ATM: variants seen among roughly 807,000 people sequenced by gnomAD.
ATM encodes the protein ATM serine/threonine kinase.
In ATM, 308 loss-of-function variants were observed where a neutral mutation model predicts 387.0. The ratio of observed to expected loss-of-function variants is 0.80; its 90% CI spans 0.73 to 0.87. The LOEUF is 0.87. Ranked by LOEUF, ATM falls within the 40% of genes least tolerant of loss-of-function variation. The pLI, the probability that ATM is intolerant of heterozygous loss-of-function variation, is 0.00. For missense variants in ATM, 3,312 were observed against 3,560.9 expected (o/e 0.93, Z 1.78); for synonymous variants, 1,156 against 1,187.3 (o/e 0.97, Z 0.54).
chr11:108,333,898 T>C lies in ATM; in HGVS notation c.7940T>C (p.Ile2647Thr). 6.2e-7 allele frequency: 1 copy of C among 1,608,350 alleles called. No homozygotes were observed. Among genetic ancestry groups the C allele is most frequent in the East Asian group, 2.2e-5 (1 of 44,834 alleles). The change falls in exon 54 of 63, where the codon ATT (isoleucine) becomes ACT (threonine). Residue 2647 changes from isoleucine (I) to threonine (T), a missense_variant. Around this residue, in one of 4 missense-constraint regions of ATM, gnomAD observed 1,405 missense variants for 1,604.4 expected, o/e 0.88. Coordinates refer to ENST00000675843, the MANE Select transcript of ATM (RefSeq NM_000051.4). ...QWKTQRKGIN[I>T]PADQPITKLK... is the part of the protein sequence containing the mutation. ...TTTTTAAATACAGAAGGCATAAATA[T>C]TCCAGCAGACCAGCCAATTACTAAA... is the stretch of plus-strand genomic sequence containing the variant.
chr11:108,339,882 T>G (rs1292344149), intron 56 of ATM, among the ~76,000 whole-genome samples: 1 of 152,178 alleles, frequency 6.6e-6, no homozygotes, highest in African/African-American at 2.4e-5. Context: ...GGAGAGGGCA[T>G]GTAGAATACT....
chr11:108,231,460 C>G (rs1200293647), intron 4 of ATM: 1 of 152,092 alleles, frequency 6.6e-6, no homozygotes, highest in East Asian at 1.9e-4. Context: ...CTTTGGGAAG[C>G]TGAGGCGGGC....
chr11:108,259,514 A>T (rs1359510670), intron 16 of ATM, among the ~76,000 whole-genome samples: 1 of 152,196 alleles, frequency 6.6e-6, no homozygotes, highest in African/African-American at 2.4e-5. Context: ...AAAATTAAAT[A>T]AAATGTGGAA....
At position 108,229,300 on chromosome 11, in the gene ATM, A is replaced by G. The variant is rs1249361503; in HGVS notation, c.308A>G (p.Tyr103Cys). 5.0e-6 allele frequency: 8 copies of G among 1,613,614 alleles called. No individual in the cohort carries two copies. The South Asian group carries it at 7.7e-5, about 16-fold the overall frequency. Residue 103 changes from tyrosine to cysteine, a missense_variant, in exon 4 of 63, where the codon TAC becomes TGC. This residue lies in a region of ATM where 1,791 missense variants were observed against 1,804.5 expected (regional missense o/e 0.99). Transcript: ENST00000675843. ...KMQEISSLVKYFIKCANRRAP... is the reference protein window; with the variant it reads ...KMQEISSLVKCFIKCANRRAP... Reference sequence around the variant, plus strand: ...CAGGAAATCAGTAGTTTGGTCAAATACTTCATCAAATGTGCAAACAGAAGT... The same window carrying G: ...CAGGAAATCAGTAGTTTGGTCAAATGCTTCATCAAATGTGCAAACAGAAGT...
intron 12 of ATM, among the ~76,000 whole-genome samples, chr11:108,253,343 T>C (rs1019087740): frequency 6.6e-6 from 1 of 152,110 alleles, no homozygotes; most frequent in Non-Finnish European, 1.5e-5. Context: ...GAGACTTAGA[T>C]TGTATTGCTG....
chr11:108,303,106 C>A, intron 36 of ATM, 77 bp downstream of exon 36: 1 of 1,306,422 alleles, frequency 7.7e-7, no homozygotes, highest in Non-Finnish European at 1.1e-6. Context: ...TACTGCACAT[C>A]ATCTTCACAT....
intron 5 of ATM, 117 bp downstream of exon 5, chr11:108,235,951 C>T: frequency 8.7e-7 from 1 of 1,151,498 alleles, no homozygotes; most frequent in Non-Finnish European, 1.3e-6. Context: ...TTTAACAGTA[C>T]TTTAGTAAAA....
chr11:108,227,496 A>G, intron 1 of ATM, 99 bp from the exon 2 acceptor site: 1 of 732,054 alleles, frequency 1.4e-6, no homozygotes, highest in Non-Finnish European at 2.4e-6. Flanking sequence ...TAAATACTGC[A>G]GTATAAAATA....
intron 16 of ATM, among the ~76,000 whole-genome samples, chr11:108,263,028 A>G (rs976474374): frequency 3.6e-4 from 55 of 152,178 alleles, no homozygotes; most frequent in Admixed American, 3.1e-3. Context: ...CCCACACATT[A>G]ATAATGGGAG....
intron 16 of ATM, among the ~76,000 whole-genome samples, chr11:108,260,236 T>A (rs2080782446): frequency 6.6e-6 from 1 of 152,140 alleles, no homozygotes; most frequent in African/African-American, 2.4e-5. Flanking sequence ...GGTTTCACCA[T>A]GTTGGCCAGG....
In ATM at chr11:108,271,416, G is replaced by A. The variant is rs2135555359; in HGVS notation, c.3077+10G>A. The A allele has an allele frequency of 6.2e-7, 1 of 1,613,956 alleles. No homozygotes were observed. Among genetic ancestry groups the A allele is most frequent in the Non-Finnish European group, 8.5e-7 (1 of 1,179,974 alleles). On this transcript the variant is annotated intron_variant, in intron 20 of 62. Coordinates refer to ENST00000675843, the MANE Select transcript of ATM (RefSeq NM_000051.4). ...TAATTGGAGCATTTTGGTAGGTACA[G>A]TCTATTTTGTGGTCCTATTTTTCTT... is the stretch of plus-strand genomic sequence containing the variant.
At chr11:108,280,934 T>C (rs2082195497) in intron 23 of ATM, 61 bp from the exon 24 acceptor site, 2 of 1,487,932 alleles carry the variant, frequency 1.3e-6, no homozygotes, top group Non-Finnish European at 1.8e-6. Flanking sequence ...GTTGGGATTT[T>C]ATAATTGATT....
At position 108,348,590 on chromosome 11, in the gene ATM, G is replaced by A. The variant is rs537549914; in HGVS notation, c.8671+1225G>A. 2.6e-5 allele frequency among the ~76,000 whole-genome samples: 4 copies of A among 151,874 alleles called. No individual in the cohort carries two copies. The South Asian group carries it at 6.2e-4, about 24-fold the overall frequency. On this transcript the variant is annotated intron_variant, in intron 59 of 62. Coordinates refer to ENST00000675843, the MANE Select transcript of ATM (RefSeq NM_000051.4). The stretch of plus-strand genomic sequence containing the variant: ...GAAAGAAGTGTGAATGTAATGTAAA[G>A]AAGTGTGAATGTAATGACAAACTTC...
chr11:108,250,574 A>G (rs1275154668), intron 9 of ATM, 127 bp from the exon 10 acceptor site: 6 of 1,067,850 alleles, frequency 5.6e-6, no homozygotes, highest in Non-Finnish European at 8.1e-6. Context: ...GTTTATTTTT[A>G]GAGTACTATG....
In ATM at chr11:108,368,039, G is replaced by A. The variant is rs2091421656; in HGVS notation, c.*2531G>A. 2 of 207,132 alleles carry A rather than the reference G, an allele frequency of 9.7e-6. No individual in the cohort carries two copies. Among genetic ancestry groups the A allele is most frequent in the East Asian group, 1.5e-4 (2 of 13,516 alleles). 12.8% of individuals were successfully genotyped at this position (207,132 alleles called of 1,614,324 possible). On this transcript the variant is annotated 3_prime_UTR_variant, in exon 63 of 63. Coordinates refer to ENST00000675843, the MANE Select transcript of ATM (RefSeq NM_000051.4). ...TCTTGCTAGTTGTTGCATCCAGAGA[G>A]CTTTGAATAACATCATTAATCTACT...
In ATM at chr11:108,281,150, A is replaced by G. The variant is rs12786957; in HGVS notation, c.3558A>G (p.Glu1186=). ...LCKSVKENGL[E]PHLVKKVLEK... is the part of the protein sequence containing the mutation. ...AATCTGTGAAAGAGAATGGATTAGA[A>G]CCTCACCTTGTGAAAAAGGTATATA... The change falls in exon 24 of 63, where the codon GAA becomes GAG. Residue 1186 remains glutamate (E), a synonymous_variant. Transcript: ENST00000675843. 6.2e-7 allele frequency: 1 copy of G among 1,613,796 alleles called. No individual in the cohort carries two copies. Among genetic ancestry groups the G allele is most frequent in the Non-Finnish European group, 8.5e-7 (1 of 1,179,930 alleles).
rs2299653 is a variant in ATM at position 108,298,443 on chromosome 11, C to G, written c.5005+1061C>G. 2.0e-5 allele frequency among the ~76,000 whole-genome samples: 3 copies of G among 152,200 alleles called. No individual in the cohort carries two copies. In the East Asian group the frequency reaches 5.8e-4, roughly 29 times the overall value. The stretch of plus-strand genomic sequence containing the variant: ...CAGAGTACGCTTGTACATGTAGCAC[C>G]CAGACTAAAAAACAGAATCTTACCA... On this transcript the variant is annotated intron_variant, in intron 33 of 62. Coordinates refer to ENST00000675843, the MANE Select transcript of ATM (RefSeq NM_000051.4).
chr11:108,311,261 C>T (rs917864426), intron 39 of ATM, among the ~76,000 whole-genome samples: 8 of 152,148 alleles, frequency 5.3e-5, no homozygotes, highest in African/African-American at 7.2e-5. Context: ...AAGCATGAGC[C>T]GCTGCACCTG....
At chr11:108,356,789 A>G (rs2089982759) in intron 61 of ATM, among the ~76,000 whole-genome samples, 1 of 152,112 alleles carries the variant, frequency 6.6e-6, no homozygotes, top group South Asian at 2.1e-4. Flanking sequence ...TTAGAGTAGT[A>G]GGAGATCAAA....
Sources: gnomAD v4.1 joint callset for allele counts (sites outside exome capture counted in the v4.1 genomes callset) on GRCh38, gnomAD v4.1.1 for gene constraint, gnomAD v4.1.1 regional missense constraint, MANE v1.5 for transcripts, NCBI Gene and HGNC (gene_info 2026-07-23, HGNC 2026-07-21) for gene names.